The following SMIM12 variants were observed in gnomAD, a reference collection of about 807,000 sequenced individuals.
SMIM12 encodes UPF0767 protein C1orf212.
Under a neutral mutation model 6.3 loss-of-function variants are expected in SMIM12, and 5 were observed. The observed-to-expected ratio is 0.80, with a 90% CI of 0.42 to 1.68. The LOEUF (loss-of-function observed/expected upper bound fraction) is 1.68. Among genes scored for constraint, SMIM12 ranks in the 40% most tolerant of loss-of-function variants. The probability of loss-of-function intolerance (pLI) is 0.02; values close to 1 mark genes in which losing one functional copy is unlikely to be tolerated. For missense variants in SMIM12, 103 were observed against 121.4 expected (o/e 0.85, Z 0.71); for synonymous variants, 51 against 48.0 (o/e 1.06, Z -0.26).
chr1:34,857,855 C>T (rs1018652364), intron 1 of SMIM12: 6 of 152,284 alleles, frequency 3.9e-5, no homozygotes, highest in Non-Finnish European at 5.9e-5. Flanking sequence ...CAGCTCAGAT[C>T]ATCAGGCATT....
Position 34,855,092 on chromosome 1 carries a change from T to C in SMIM12, c.*607A>G. On this transcript the variant is annotated 3_prime_UTR_variant, in exon 2 of 2. Transcript: ENST00000521580. ...AATCAGGTTTTTCACTATACAGTGATGGGGGTAGAAGATGGTGACTGTTTT... is the reference window on the plus strand; with the variant it reads ...AATCAGGTTTTTCACTATACAGTGACGGGGGTAGAAGATGGTGACTGTTTT... The C allele has an allele frequency of 7.6e-7, 1 of 1,310,850 alleles. No individual in the cohort carries two copies. The highest frequency in any genetic ancestry group is 1.0e-6 in the Non-Finnish European group (1 of 994,080). 81.2% of individuals were successfully genotyped at this position (1,310,850 alleles called of 1,614,324 possible).
At position 34,851,819 on chromosome 1, in the gene SMIM12, G is replaced by A. The variant is rs911545378; in HGVS notation, c.*3880C>T. ...GGGAAGAGACGGGGGTAAGCGGGGAGCAAAAAGCCCCAAGCACATCCACTC... is the reference window on the plus strand; with the variant it reads ...GGGAAGAGACGGGGGTAAGCGGGGAACAAAAAGCCCCAAGCACATCCACTC... On this transcript the variant is annotated 3_prime_UTR_variant, in exon 2 of 2. Coordinates refer to ENST00000521580, the MANE Select transcript of SMIM12 (RefSeq NM_138428.6). 6.6e-6 allele frequency among the ~76,000 whole-genome samples: 1 copy of A among 152,158 alleles called. No homozygotes were observed. The highest frequency in any genetic ancestry group is 2.4e-5 in the African/African-American group (1 of 41,438).
chr1:34,853,431 A>G lies in SMIM12; in HGVS notation c.*2268T>C, dbSNP rs140017992. The G allele has an allele frequency of 3.3e-4, 50 of 152,310 alleles. 1 individual carries two copies. Among genetic ancestry groups the G allele is most frequent in the African/African-American group, 1.1e-3 (47 of 41,574 alleles). 9.4% of individuals were successfully genotyped at this position (152,310 alleles called of 1,614,324 possible). A position where few individuals can be genotyped will look rare whatever the true frequency, so the allele number is the denominator to read the frequency against. ...GTCTTCAGTGGTAAGATTTAGTAGA[A>G]ACTCCTAGAGCCCTTTTGGAAAGAC... On this transcript the variant is annotated 3_prime_UTR_variant, in exon 2 of 2. Coordinates refer to ENST00000521580, the MANE Select transcript of SMIM12 (RefSeq NM_138428.6).
intron 1 of SMIM12, chr1:34,856,471 G>A (rs773964463): frequency 1.2e-4 from 19 of 156,496 alleles, no homozygotes; most frequent in Non-Finnish European, 2.5e-4. Flanking sequence ...AAGAAGGAAG[G>A]ATCTCCATTT....
In SMIM12 at chr1:34,856,111, TGCTCTGTCGCCCAG is replaced by T. The variant is rs1233105376; in HGVS notation, c.-5-143_-5-130del. ...TTTTTTTTTTTTTGAGACGGAGTCT[TGCTCTGTCGCCCAG>T]GCTGGAGTGCAGTGGCACGATCTCA... is the stretch of plus-strand genomic sequence containing the variant. On this transcript the variant is annotated intron_variant, in intron 1 of 1. Transcript: ENST00000521580. 3.5e-6 allele frequency: 4 copies of T among 1,127,150 alleles called. No homozygotes were observed. In the East Asian group the frequency reaches 1.1e-4, roughly 30 times the overall value. 69.8% of individuals were successfully genotyped at this position (1,127,150 alleles called of 1,614,324 possible). A position where few individuals can be genotyped will look rare whatever the true frequency, so the allele number is the denominator to read the frequency against.
chr1:34,859,493 T>C (rs1411500220), intron 1 of SMIM12, 184 bp downstream of exon 1: 3 of 152,286 alleles, frequency 2.0e-5, no homozygotes, highest in African/African-American at 7.2e-5. Flanking sequence ...CTCATTGAGG[T>C]GCCGAGAAGC....
rs1640920881 is a variant in SMIM12, at chr1:34,851,170, G to C, written c.*4529C>G. The C allele has an allele frequency of 6.6e-6, 1 of 151,876 alleles. No homozygotes were observed. Among genetic ancestry groups the C allele is most frequent in the Non-Finnish European group, 1.5e-5 (1 of 67,972 alleles). The allele number at this position is 151,876 out of a possible 1,614,324, so 9.4% of individuals were successfully genotyped here. A position where few individuals can be genotyped will look rare whatever the true frequency, so the allele number is the denominator to read the frequency against. On this transcript the variant is annotated 3_prime_UTR_variant, in exon 2 of 2. Transcript: ENST00000521580. Reference sequence around the variant, plus strand: ...TTGTTGTGAGGATGAGGTAATGTATGTAAAGTTTTAGCACAGTCTGTGACA... The same window carrying C: ...TTGTTGTGAGGATGAGGTAATGTATCTAAAGTTTTAGCACAGTCTGTGACA...
chr1:34,858,220 C>CCG (rs1473566962), intron 1 of SMIM12: 3 of 152,148 alleles, frequency 2.0e-5, no homozygotes, highest in Non-Finnish European at 4.4e-5. Flanking sequence ...ATCCTCATAA[C>CCG]ACCTCTATGA....
intron 1 of SMIM12, among the ~76,000 whole-genome samples, chr1:34,856,405 C>T (rs185751494): frequency 8.0e-4 from 122 of 152,218 alleles, no homozygotes; most frequent in African/African-American, 2.7e-3. Flanking sequence ...CAGAGCAATG[C>T]GAGAGGTGGA....
In SMIM12 at chr1:34,855,946, G is replaced by A. The variant is rs535678870; in HGVS notation, c.32C>T (p.Thr11Ile). Residue 11 changes from threonine to isoleucine, a missense_variant, in exon 2 of 2, where the codon ACC becomes ATC. By Grantham distance (89) the Thr-to-Ile change is moderately conservative. Coordinates refer to ENST00000521580, the MANE Select transcript of SMIM12 (RefSeq NM_138428.6). MWPVFWTVVR[T>I]YAPYVTFPVA... ...AGGGAATGTGACATAAGGAGCATAG[G>A]TACGAACCACGGTCCAAAACACAGG... 125 of 1,550,136 alleles carry A rather than the reference G, an allele frequency of 8.1e-5. 1 individual carries two copies. The South Asian group carries it at 1.4e-3, about 18-fold the overall frequency.
chr1:34,859,630 T>A (rs1386691848), intron 1 of SMIM12, 47 bp downstream of exon 1: 1 of 152,364 alleles, frequency 6.6e-6, no homozygotes, highest in African/African-American at 2.4e-5. Flanking sequence ...ACTCAGAGGT[T>A]ACTGGCCTGG....
Position 34,852,162 on chromosome 1 carries a change from A to T in SMIM12, c.*3537T>A, listed in dbSNP as rs77524168. ...GACAAAGTGCCCTTGGAAAGGAAAG[A>T]AAAGAATTTAAAAGGGGGCACAATC... is the stretch of plus-strand genomic sequence containing the variant. On this transcript the variant is annotated 3_prime_UTR_variant, in exon 2 of 2. Coordinates refer to ENST00000521580, the MANE Select transcript of SMIM12 (RefSeq NM_138428.6). 7.3e-5 allele frequency among the ~76,000 whole-genome samples: 1 copy of T among 13,682 alleles called. No homozygotes were observed. The highest frequency in any genetic ancestry group is 1.5e-3 in the Admixed American group (1 of 650). 9.0% of individuals were successfully genotyped at this position (13,682 alleles called of 152,430 possible). A position where few individuals can be genotyped will look rare whatever the true frequency, so the allele number is the denominator to read the frequency against.
At position 34,855,996 on chromosome 1, in the gene SMIM12, C is replaced by A. The variant is rs1638642683; in HGVS notation, c.-5-14G>T. 1 of 1,531,928 alleles carries A rather than the reference C, an allele frequency of 6.5e-7. No individual in the cohort carries two copies. Among genetic ancestry groups the A allele is most frequent in the South Asian group, 1.2e-5 (1 of 82,274 alleles). The allele number at this position is 1,531,928 out of a possible 1,614,324, so 94.9% of individuals were successfully genotyped here. On this transcript the variant is annotated splice_polypyrimidine_tract_variant and intron_variant, in intron 1 of 1. Transcript: ENST00000521580. ...GCCACATGACATCTGCGGAAAAGCA[C>A]AAGGCAGCATTAGAGAACCCAGCAT... is the stretch of plus-strand genomic sequence containing the variant.
intron 1 of SMIM12, chr1:34,858,826 C>T (rs878980073): frequency 6.6e-6 from 1 of 152,226 alleles, no homozygotes; most frequent in Non-Finnish European, 1.5e-5. Flanking sequence ...GTGTCAGGCA[C>T]GATGCTGGCT....
rs1217839448 is a variant in SMIM12 at position 34,852,807 on chromosome 1, G to A, written c.*2892C>T. 2.0e-5 allele frequency: 3 copies of A among 152,364 alleles called. No individual in the cohort carries two copies. Among genetic ancestry groups the A allele is most frequent in the Admixed American group, 6.6e-5 (1 of 15,260 alleles). 9.4% of individuals were successfully genotyped at this position (152,364 alleles called of 1,614,324 possible). On this transcript the variant is annotated 3_prime_UTR_variant, in exon 2 of 2. Coordinates refer to ENST00000521580, the MANE Select transcript of SMIM12 (RefSeq NM_138428.6). ...CGGCAGGTCTATACTTTCTGCCAGCGTGGTGGCTCATTTGTCACCTGACCT... is the reference window on the plus strand; with the variant it reads ...CGGCAGGTCTATACTTTCTGCCAGCATGGTGGCTCATTTGTCACCTGACCT...
Position 34,854,698 on chromosome 1 carries a change from A to T in SMIM12, c.*1001T>A, listed in dbSNP as rs575275501. On this transcript the variant is annotated 3_prime_UTR_variant, in exon 2 of 2. Coordinates refer to ENST00000521580, the MANE Select transcript of SMIM12 (RefSeq NM_138428.6). ...CAGAGAATTAGTAAAAGACAACAAA[A>T]TGTTAACGGTTGTTATTAACGAGCT... is the stretch of plus-strand genomic sequence containing the variant. The T allele has an allele frequency of 6.5e-6, 1 of 154,078 alleles. No individual in the cohort carries two copies. The highest frequency in any genetic ancestry group is 6.4e-5 in the Admixed American group (1 of 15,598). The allele number at this position is 154,078 out of a possible 1,614,324, so 9.5% of individuals were successfully genotyped here. A position where few individuals can be genotyped will look rare whatever the true frequency, so the allele number is the denominator to read the frequency against.
rs1288925147 is a variant in SMIM12, at chr1:34,853,043, T to G, written c.*2656A>C. ...TTCCCTGGGAAGCAACAGCAGCTCA[T>G]TTCCGCATTCCCACTAGGCCTCAGG... On this transcript the variant is annotated 3_prime_UTR_variant, in exon 2 of 2. Transcript: ENST00000521580. 1 of 152,250 alleles carries G rather than the reference T, an allele frequency of 6.6e-6. No individual in the cohort carries two copies. The highest frequency in any genetic ancestry group is 2.4e-5 in the African/African-American group (1 of 41,426). 9.4% of individuals were successfully genotyped at this position (152,250 alleles called of 1,614,324 possible). A position where few individuals can be genotyped will look rare whatever the true frequency, so the allele number is the denominator to read the frequency against.
rs1465421513 is a variant in SMIM12, at chr1:34,851,839, C to T, written c.*3860G>A. ...GGGGAGCAAAAAGCCCCAAGCACAT[C>T]CACTCACTCATGTGTTTCAGTGAAC... On this transcript the variant is annotated 3_prime_UTR_variant, in exon 2 of 2. Transcript: ENST00000521580. Among the ~76,000 whole-genome samples, 2 of 152,180 alleles carry T rather than the reference C, an allele frequency of 1.3e-5. No individual in the cohort carries two copies. The highest frequency in any genetic ancestry group is 4.8e-5 in the African/African-American group (2 of 41,446).
At position 34,855,048 on chromosome 1, in the gene SMIM12, G is replaced by C. The variant is rs1638593802; in HGVS notation, c.*651C>G. ...CTGGATGATAAGATTCGATCATTAT[G>C]GTTCTCAGATACCACTTTAATCAGG... On this transcript the variant is annotated 3_prime_UTR_variant, in exon 2 of 2. Transcript: ENST00000521580. The C allele has an allele frequency of 3.9e-6, 5 of 1,271,784 alleles. No individual in the cohort carries two copies. In the South Asian group the frequency reaches 6.9e-5, roughly 18 times the overall value. The allele number at this position is 1,271,784 out of a possible 1,614,324, so 78.8% of individuals were successfully genotyped here.
Sources: gnomAD v4.1 joint callset for allele counts (sites outside exome capture counted in the v4.1 genomes callset) on GRCh38, gnomAD v4.1.1 for gene constraint, MANE v1.5 for transcripts, NCBI Gene and HGNC (gene_info 2026-07-23, HGNC 2026-07-21) for gene names.